Variants in RAB20 observed in about 807,000 individuals in gnomAD.
The protein encoded by RAB20 is ras-related protein Rab-20.
Under a neutral mutation model 3.7 loss-of-function variants are expected in RAB20, and 2 were observed. The observed-to-expected ratio is 0.54, with a 90% CI of 0.22 to 1.69. RAB20 has a LOEUF of 1.69. RAB20 is among the 40% of genes most tolerant of loss of function. The pLI is 0.19. For synonymous variants in RAB20, 126 were observed against 130.8 expected (o/e 0.96, Z 0.25); for missense variants, 276 against 311.9 (o/e 0.88, Z 0.87).
At position 110,523,091 on chromosome 13, in the gene RAB20, A is replaced by G. The variant is rs1349630081; in HGVS notation, c.*574T>C. The G allele has an allele frequency of 7.8e-6, 3 of 386,142 alleles. No individual in the cohort carries two copies. The highest frequency in any genetic ancestry group is 1.4e-5 in the Non-Finnish European group (3 of 218,928). 23.9% of individuals were successfully genotyped at this position (386,142 alleles called of 1,614,324 possible). A position where few individuals can be genotyped will look rare whatever the true frequency, so the allele number is the denominator to read the frequency against. ...TAAGTTGTTCCAAAAATCCTCTTTA[A>G]TAATACATGTAGCCAACATTGCTGC... On this transcript the variant is annotated 3_prime_UTR_variant, in exon 2 of 2. Transcript: ENST00000267328.
intron 1 of RAB20, among the ~76,000 whole-genome samples, chr13:110,545,030 A>G (rs1450202721): frequency 6.6e-6 from 1 of 152,118 alleles, no homozygotes; most frequent in African/African-American, 2.4e-5. Flanking sequence ...TGCCGCCACC[A>G]TGTAAGAAGT....
chr13:110,524,158 C>A lies in RAB20; in HGVS notation c.212G>T (p.Arg71Leu). 1.2e-6 allele frequency: 2 copies of A among 1,605,064 alleles called. No individual in the cohort carries two copies. Among genetic ancestry groups the A allele is most frequent in the Non-Finnish European group, 1.7e-6 (2 of 1,179,396 alleles). Residue 71 changes from arginine (R) to leucine (L), a missense_variant, in exon 2 of 2, where the codon CGG becomes CTG. Arg to Leu is a moderately radical substitution (Grantham distance 102). Coordinates refer to ENST00000267328, the MANE Select transcript of RAB20 (RefSeq NM_017817.3). ...QFHGLGSMYC[R>L]GAAAIILTYD... ...GGTGAGGATGATGGCGGCCGCCCCC[C>A]GGCAGTACATGGAGCCCAGGCCGTG...
Position 110,555,925 on chromosome 13 carries a change from C to T in RAB20, c.172+5423G>A, listed in dbSNP as rs1885031147. 6.6e-6 allele frequency among the ~76,000 whole-genome samples: 1 copy of T among 152,200 alleles called. No homozygotes were observed. The highest frequency in any genetic ancestry group is 2.1e-4 in the South Asian group (1 of 4,832). On this transcript the variant is annotated intron_variant, in intron 1 of 1. Coordinates refer to ENST00000267328, the MANE Select transcript of RAB20 (RefSeq NM_017817.3). This position sits in a 1 kb window ranked among gnomAD's most constrained non-coding sequence, Gnocchi z 4.0. The stretch of plus-strand genomic sequence containing the variant: ...CCCTCCTCCCTTTGTAACATGCCTG[C>T]TGGTGTAACCTCAGTGACAGGCACC...
At chr13:110,538,253 A>AAAG (rs1555335698) in intron 1 of RAB20, among the ~76,000 whole-genome samples, 8 of 150,090 alleles carry the variant, frequency 5.3e-5, no homozygotes, top group South Asian at 2.1e-4. Context: ...AAAAAAAAAA[A>AAAG]AAAGAAAGAA....
chr13:110,524,803 G>A (rs1048086268), intron 1 of RAB20, among the ~76,000 whole-genome samples: 12 of 152,100 alleles, frequency 7.9e-5, no homozygotes, highest in African/African-American at 2.9e-4. Context: ...CGGTGCTCAC[G>A]ATATTTTTAG....
At chr13:110,542,093 C>CT (rs1182415018) in intron 1 of RAB20, among the ~76,000 whole-genome samples, 1 of 152,096 alleles carries the variant, frequency 6.6e-6, no homozygotes, top group Non-Finnish European at 1.5e-5. Context: ...TATTATTATA[C>CT]TTTAAGTTTT....
chr13:110,553,987 C>T (rs1263722304), intron 1 of RAB20, among the ~76,000 whole-genome samples: 3 of 152,120 alleles, frequency 2.0e-5, no homozygotes, highest in African/African-American at 7.2e-5. Flanking sequence ...TAAGGGTGCA[C>T]ACCTGTGGTC....
intron 1 of RAB20, among the ~76,000 whole-genome samples, chr13:110,552,350 GC>G (rs1169259586): frequency 6.8e-6 from 1 of 147,540 alleles, no homozygotes; most frequent in Non-Finnish European, 1.5e-5. Context: ...GTGCACTCCA[GC>G]CTGGGCAACA....
chr13:110,557,115 C>G (rs1388288150), intron 1 of RAB20, among the ~76,000 whole-genome samples: 1 of 152,124 alleles, frequency 6.6e-6, no homozygotes, highest in African/African-American at 2.4e-5. Context: ...ACACCTCCAC[C>G]AGAAGGAGCC....
intron 1 of RAB20, among the ~76,000 whole-genome samples, chr13:110,538,265 G>GA (rs1459061735): frequency 1.4e-5 from 2 of 143,622 alleles, no homozygotes; most frequent in Admixed American, 7.0e-5. Context: ...AAGAAAGAAA[G>GA]AAAGAAAAGA....
At chr13:110,547,154 T>C (rs1034927910) in intron 1 of RAB20, among the ~76,000 whole-genome samples, 3 of 151,988 alleles carry the variant, frequency 2.0e-5, no homozygotes, top group Non-Finnish European at 4.4e-5. Context: ...TTGCGCCAAA[T>C]CACAGCGGTC....
intron 1 of RAB20, among the ~76,000 whole-genome samples, chr13:110,533,024 G>A (rs865827816): frequency 3.9e-5 from 6 of 151,976 alleles, no homozygotes; most frequent in Admixed American, 1.3e-4. Context: ...TTGCCAGATC[G>A]GACAGCCCCC....
In RAB20 at chr13:110,530,938, A is replaced by G. The variant is rs376228725; in HGVS notation, c.173-6741T>C. ...TTTATGAGGTTTAAGTTCTGTCTAAACAAGAGAAATGGAAGCCAGAACAGG... is the reference window on the plus strand; with the variant it reads ...TTTATGAGGTTTAAGTTCTGTCTAAGCAAGAGAAATGGAAGCCAGAACAGG... On this transcript the variant is annotated intron_variant, in intron 1 of 1. Coordinates refer to ENST00000267328, the MANE Select transcript of RAB20 (RefSeq NM_017817.3). 1.4e-4 allele frequency among the ~76,000 whole-genome samples: 22 copies of G among 152,378 alleles called. 2 individuals carry two copies. The highest frequency in any genetic ancestry group is 1.0e-3 in the Admixed American group (16 of 15,306).
intron 1 of RAB20, among the ~76,000 whole-genome samples, chr13:110,535,425 A>C (rs566380230): frequency 3.3e-5 from 5 of 152,238 alleles, no homozygotes; most frequent in Non-Finnish European, 5.9e-5. Flanking sequence ...AGAAACGAAT[A>C]AATAACACAT....
chr13:110,546,154 T>A (rs546615887), intron 1 of RAB20, among the ~76,000 whole-genome samples: 1 of 152,250 alleles, frequency 6.6e-6, no homozygotes, highest in Non-Finnish European at 1.5e-5. Context: ...AGGGAACCTA[T>A]GATGTGCCAG....
At chr13:110,553,635 A>C (rs932017763) in intron 1 of RAB20, among the ~76,000 whole-genome samples, 1 of 152,238 alleles carries the variant, frequency 6.6e-6, no homozygotes, top group Admixed American at 6.5e-5. Flanking sequence ...TATTTACAAC[A>C]ACCAGCAGCA....
intron 1 of RAB20, among the ~76,000 whole-genome samples, chr13:110,559,062 T>C (rs961432683): frequency 6.6e-6 from 1 of 152,152 alleles, no homozygotes; most frequent in African/African-American, 2.4e-5. Context: ...AATAGGGTAA[T>C]GTACTTCTGC....
In RAB20 at chr13:110,559,793, G is replaced by A. The variant is rs561724081; in HGVS notation, c.172+1555C>T. Among the ~76,000 whole-genome samples the A allele has an allele frequency of 1.7e-3, 260 of 152,338 alleles. 1 individual carries two copies. The highest frequency in any genetic ancestry group is 2.7e-3 in the Non-Finnish European group (181 of 68,040). On this transcript the variant is annotated intron_variant, in intron 1 of 1. Coordinates refer to ENST00000267328, the MANE Select transcript of RAB20 (RefSeq NM_017817.3). ...GTCCTTGGTGCTGAAGAAGCAAGAG[G>A]CCAGTGGAAACGAAACTGCTGCTTC...
chr13:110,529,032 G>A (rs1304773802), intron 1 of RAB20, among the ~76,000 whole-genome samples: 2 of 152,208 alleles, frequency 1.3e-5, no homozygotes, highest in Non-Finnish European at 2.9e-5. Context: ...TGCTCTCAAT[G>A]AGCGCATTGT....
Sources: allele counts gnomAD v4.1 joint callset (sites outside exome capture counted in the v4.1 genomes callset), GRCh38; gene constraint gnomAD v4.1.1; non-coding constraint Gnocchi (gnomAD v3.1); transcripts MANE v1.5; gene names NCBI Gene and HGNC (gene_info 2026-07-23, HGNC 2026-07-21).